The following GLIS3 variants were observed in gnomAD, a reference collection of about 807,000 sequenced individuals.
The protein encoded by GLIS3 is zinc finger protein GLIS3.
Under a neutral mutation model 78.6 loss-of-function variants are expected in GLIS3, and 53 were observed. The observed-to-expected ratio is 0.67, with a 90% CI of 0.54 to 0.85. The LOEUF is 0.85. GLIS3 is among the 40% of genes least tolerant of loss of function. The pLI is 0.00. For synonymous variants in GLIS3, 684 were observed against 509.9 expected, an observed-to-expected ratio of 1.34 and a Z score of -4.60; for missense variants, 1,703 against 1,231.1, an observed-to-expected ratio of 1.38 and a Z score of -5.74.
chr9:4,408,788 A>G, the GLIS3 span, among the ~76,000 whole-genome samples: 2 of 151,704 alleles, frequency 1.3e-5, no homozygotes, highest in Non-Finnish European at 2.9e-5. Flanking sequence ...ATGTCATAAC[A>G]GGGGGATTAT....
intron 2 of GLIS3, among the ~76,000 whole-genome samples, chr9:4,243,180 A>T (rs909865607): frequency 5.3e-5 from 8 of 152,204 alleles, no homozygotes; most frequent in African/African-American, 1.9e-4. Flanking sequence ...TATCAAACCC[A>T]CTTAATAATT....
At chr9:4,227,550 G>C (rs150492260) in intron 2 of GLIS3, among the ~76,000 whole-genome samples, 6 of 152,282 alleles carry the variant, frequency 3.9e-5, no homozygotes, top group African/African-American at 1.4e-4. Flanking sequence ...TTCCATGTGA[G>C]TATCTCCTAT....
chr9:4,267,842 C>T (rs746339219), intron 2 of GLIS3, among the ~76,000 whole-genome samples: 4 of 152,030 alleles, frequency 2.6e-5, no homozygotes, highest in Non-Finnish European at 4.4e-5. Flanking sequence ...CTCCTAATTC[C>T]CAAGACAACG....
the GLIS3 span, among the ~76,000 whole-genome samples, chr9:4,468,798 A>G: frequency 6.6e-6 from 1 of 152,198 alleles, no homozygotes. Context: ...ATTAACCTTA[A>G]ATGTAAATGG....
intron 2 of GLIS3, among the ~76,000 whole-genome samples, chr9:4,226,545 G>A (rs1478373069): frequency 1.3e-5 from 2 of 152,150 alleles, no homozygotes; most frequent in Non-Finnish European, 2.9e-5. Context: ...GGAGGGAATG[G>A]TAAGGTGGAG....
chr9:4,243,339 G>T (rs937580869), intron 2 of GLIS3, among the ~76,000 whole-genome samples: 1 of 152,108 alleles, frequency 6.6e-6, no homozygotes, highest in Non-Finnish European at 1.5e-5. Flanking sequence ...TTCCCTGGTA[G>T]TCAGGTGATC....
intron 4 of GLIS3, among the ~76,000 whole-genome samples, chr9:3,997,294 C>T (rs1001353920): frequency 1.4e-4 from 22 of 151,954 alleles, no homozygotes; most frequent in Admixed American, 1.3e-4. Flanking sequence ...TGAGGTAAGC[C>T]GAGATCGCTG....
At chr9:4,260,392 C>G (rs1369781160) in intron 2 of GLIS3, among the ~76,000 whole-genome samples, 1 of 152,030 alleles carries the variant, frequency 6.6e-6, no homozygotes, top group African/African-American at 2.4e-5. Context: ...TGGTGAAACC[C>G]CAACTCTACT....
chr9:4,071,346 G>A (rs908190359), intron 4 of GLIS3: 1 of 151,968 alleles, frequency 6.6e-6, no homozygotes, highest in Non-Finnish European at 1.5e-5. Flanking sequence ...GATTTTTCAA[G>A]GTACAGAGGA....
At chr9:4,455,026 G>T in the GLIS3 span, among the ~76,000 whole-genome samples, 1 of 152,068 alleles carries the variant, frequency 6.6e-6, no homozygotes, top group Non-Finnish European at 1.5e-5. Context: ...CACTTCACTA[G>T]GTAATTTATA....
chr9:4,420,753 A>C, the GLIS3 span, among the ~76,000 whole-genome samples: 2 of 152,198 alleles, frequency 1.3e-5, no homozygotes, highest in Non-Finnish European at 2.9e-5. Flanking sequence ...ATTACAAAGA[A>C]AAGAGGTGAT....
chr9:4,449,964 T>C, the GLIS3 span, among the ~76,000 whole-genome samples: 84,288 of 151,982 alleles, frequency 0.55, 24,165 homozygotes, highest in South Asian at 0.72. Flanking sequence ...AGCTCCTCAC[T>C]AGCAATGGAA....
chr9:3,928,970 A>G (rs1236560205), intron 6 of GLIS3, among the ~76,000 whole-genome samples: 1 of 152,242 alleles, frequency 6.6e-6, no homozygotes, highest in Admixed American at 6.5e-5. Flanking sequence ...TGGCACTTAC[A>G]AGGTGAAAAT....
the GLIS3 span, among the ~76,000 whole-genome samples, chr9:4,377,575 G>C: frequency 1.3e-5 from 1 of 79,392 alleles, no homozygotes; most frequent in Admixed American, 1.2e-4. Flanking sequence ...TGCTAGTTCT[G>C]TCCCTCCGGA....
At chr9:4,303,933 A>G (rs1817159378), upstream of GLIS3, among the ~76,000 whole-genome samples, 1 of 152,262 alleles carries the variant, frequency 6.6e-6, no homozygotes, top group South Asian at 2.1e-4. Context: ...GTGATGTTGT[A>G]AAATTAATTA....
At chr9:4,322,208 T>C (rs1015148377) in intron 2 of GLIS3, among the ~76,000 whole-genome samples, 2 of 152,210 alleles carry the variant, frequency 1.3e-5, no homozygotes, top group Admixed American at 6.5e-5. Context: ...GGACATGAAC[T>C]CATCCTTTTT....
the GLIS3 span, among the ~76,000 whole-genome samples, chr9:4,415,850 G>T: frequency 6.6e-6 from 1 of 151,232 alleles, no homozygotes; most frequent in Non-Finnish European, 1.5e-5. Context: ...CATACTAATG[G>T]AACAGTCAAA....
chr9:4,189,236 G>A (rs1238726137), intron 2 of GLIS3, among the ~76,000 whole-genome samples: 1 of 152,022 alleles, frequency 6.6e-6, no homozygotes, highest in South Asian at 2.1e-4. Context: ...CTTTATTTCT[G>A]CCTTCATTTC....
intron 1 of GLIS3, chr9:4,298,467 C>G (rs924301594): frequency 2.2e-5 from 10 of 448,854 alleles, no homozygotes; most frequent in African/African-American, 2.0e-4. Flanking sequence ...CCCGAGGTGA[C>G]TTGTCAGCTC....
Sources: allele counts gnomAD v4.1 joint callset (sites outside exome capture counted in the v4.1 genomes callset), GRCh38; gene constraint gnomAD v4.1.1; transcripts MANE v1.5; gene names NCBI Gene and HGNC (gene_info 2026-07-23, HGNC 2026-07-21).